Variants in SCAND3 observed in about 807,000 individuals in gnomAD.
SCAND3 encodes SCAN domain-containing protein 3.
the SCAND3 span, chr6:28,589,409 A>G: frequency 2.0e-5 from 3 of 151,820 alleles, no homozygotes; most frequent in Admixed American, 2.0e-4. Flanking sequence ...AGCACTCTGG[A>G]CTTTGAATCC....
chr6:28,573,823 G>A, the SCAND3 span: 5 of 1,521,072 alleles, frequency 3.3e-6, no homozygotes, highest in South Asian at 1.3e-5. Context: ...AGCTTGTTTC[G>A]CCATCTGAAA....
the SCAND3 span, among the ~76,000 whole-genome samples, chr6:28,602,010 T>C: frequency 3.3e-4 from 50 of 150,526 alleles, no homozygotes; most frequent in African/African-American, 1.2e-3. Context: ...AGTGAAGGAG[T>C]ACCTTCTGGC....
At chr6:28,580,991 C>T in the SCAND3 span, among the ~76,000 whole-genome samples, 2 of 152,082 alleles carry the variant, frequency 1.3e-5, no homozygotes, top group Admixed American at 6.5e-5. Context: ...TCAAACTGGT[C>T]ATGACAGTCA....
the SCAND3 span, among the ~76,000 whole-genome samples, chr6:28,605,702 C>T: frequency 3.3e-5 from 5 of 150,470 alleles, no homozygotes; most frequent in Admixed American, 1.3e-4. Context: ...AAAAATTAGC[C>T]AGGCATAGTG....
At chr6:28,586,812 A>G in the SCAND3 span, 4 of 1,097,152 alleles carry the variant, frequency 3.6e-6, no homozygotes, top group East Asian at 7.3e-5. This position sits in a 1 kb window ranked among gnomAD's most constrained non-coding sequence, Gnocchi z 4.4. Flanking sequence ...CTTGGTCAGG[A>G]AAGTTTTTGA....
At chr6:28,596,662 G>T in the SCAND3 span, among the ~76,000 whole-genome samples, 1 of 152,020 alleles carries the variant, frequency 6.6e-6, no homozygotes, top group Non-Finnish European at 1.5e-5. Context: ...GAAATCACAA[G>T]TAGAAACTAT....
the SCAND3 span, chr6:28,572,378 T>C: frequency 2.5e-6 from 4 of 1,612,508 alleles, no homozygotes; most frequent in South Asian, 3.3e-5. This position sits in a 1 kb window ranked among gnomAD's most constrained non-coding sequence, Gnocchi z 4.1. Context: ...AGATGTGCAA[T>C]ATCAAGATCA....
the SCAND3 span, among the ~76,000 whole-genome samples, chr6:28,601,606 G>A: frequency 5.3e-5 from 8 of 152,164 alleles, no homozygotes; most frequent in South Asian, 2.1e-4. Flanking sequence ...TGCAGCCTCC[G>A]CCTCTCAGGC....
chr6:28,584,119 C>CA, the SCAND3 span, among the ~76,000 whole-genome samples: 3 of 152,036 alleles, frequency 2.0e-5, no homozygotes, highest in African/African-American at 7.2e-5. Flanking sequence ...TTACAGAATT[C>CA]AAAAAATGTT....
the SCAND3 span, chr6:28,586,236 T>C: frequency 7.2e-7 from 1 of 1,395,576 alleles, no homozygotes; most frequent in East Asian, 2.3e-5. The surrounding 1 kb of genome is among the most constrained non-coding windows in gnomAD (Gnocchi z 4.4). Context: ...TTACTCCCAT[T>C]ACTCCATTCT....
chr6:28,587,179 C>T, the SCAND3 span: 1 of 166,736 alleles, frequency 6.0e-6, no homozygotes, highest in Non-Finnish European at 1.3e-5. Flanking sequence ...GCACATGCAC[C>T]CTTCCCTCGG....
At chr6:28,574,108 T>C in the SCAND3 span, among the ~76,000 whole-genome samples, 1 of 152,174 alleles carries the variant, frequency 6.6e-6, no homozygotes, top group Admixed American at 6.5e-5. Context: ...AGTTTAACAA[T>C]ACCTAAATTG....
chr6:28,571,886 C>A, the SCAND3 span: 4 of 1,604,494 alleles, frequency 2.5e-6, no homozygotes, highest in Non-Finnish European at 2.5e-6. Flanking sequence ...TGAACCAATA[C>A]CTTACATATC....
the SCAND3 span, chr6:28,586,258 C>T: frequency 1.8e-5 from 28 of 1,527,248 alleles, no homozygotes; most frequent in African/African-American, 2.8e-5. This position sits in a 1 kb window ranked among gnomAD's most constrained non-coding sequence, Gnocchi z 4.4. Context: ...GATCCATGCA[C>T]CCAAATTCTC....
At chr6:28,583,120 C>T in the SCAND3 span, among the ~76,000 whole-genome samples, 2 of 151,724 alleles carry the variant, frequency 1.3e-5, no homozygotes, top group Non-Finnish European at 2.9e-5. Context: ...GGGTCGGGCA[C>T]GGTGGCTCAC....
At chr6:28,610,356 T>C in the SCAND3 span, among the ~76,000 whole-genome samples, 35 of 152,154 alleles carry the variant, frequency 2.3e-4, no homozygotes, top group Admixed American at 6.5e-4. Context: ...ACTCCGTCTC[T>C]ACTAAAAATA....
At chr6:28,614,572 C>A in the SCAND3 span, among the ~76,000 whole-genome samples, 4 of 152,106 alleles carry the variant, frequency 2.6e-5, no homozygotes, top group African/African-American at 9.7e-5. Context: ...TCAAGTGATT[C>A]TCCTGTCTCA....
chr6:28,582,094 C>A, the SCAND3 span, among the ~76,000 whole-genome samples: 1 of 152,152 alleles, frequency 6.6e-6, no homozygotes, highest in African/African-American at 2.4e-5. This position sits in a 1 kb window ranked among gnomAD's most constrained non-coding sequence, Gnocchi z 4.8. Context: ...GACCAAACAC[C>A]AAGTCCTACC....
At chr6:28,610,995 C>T in the SCAND3 span, among the ~76,000 whole-genome samples, 1 of 152,146 alleles carries the variant, frequency 6.6e-6, no homozygotes, top group Non-Finnish European at 1.5e-5. Flanking sequence ...TAAGAGAATT[C>T]ATTAACAGAT....
Sources: allele counts gnomAD v4.1 joint callset (sites outside exome capture counted in the v4.1 genomes callset), GRCh38; gene constraint gnomAD v4.1.1; non-coding constraint Gnocchi (gnomAD v3.1); transcripts MANE v1.5; gene names NCBI Gene and HGNC (gene_info 2026-07-23, HGNC 2026-07-21).